Variants in DNAH2 observed in about 807,000 individuals in gnomAD.
The protein encoded by DNAH2 is dynein axonemal heavy chain 2, also known as axonemal beta dynein heavy chain 2.
Under a neutral mutation model 523.5 loss-of-function variants are expected in DNAH2, and 323 were observed. The ratio of observed to expected loss-of-function variants is 0.62; its 90% CI spans 0.56 to 0.68. The LOEUF is 0.68. Ranked by LOEUF, DNAH2 falls within the 30% of genes least tolerant of loss-of-function variation. The pLI, the probability that DNAH2 is intolerant of heterozygous loss-of-function variation, is 0.00. For synonymous variants in DNAH2, 2,093 were observed against 2,177.4 expected, an observed-to-expected ratio of 0.96 and a Z score of 1.08; for missense variants, 4,907 against 5,701.5, an observed-to-expected ratio of 0.86 and a Z score of 4.49.
Position 7,805,007 on chromosome 17 carries a change from A to T in DNAH2, c.9233A>T (p.Gln3078Leu). 6.2e-7 allele frequency: 1 copy of T among 1,614,204 alleles called. No individual in the cohort carries two copies. Among genetic ancestry groups the T allele is most frequent in the African/African-American group, 1.3e-5 (1 of 75,056 alleles). Residue 3078 changes from glutamine to leucine, a missense_variant, in exon 60 of 86, where the codon CAG (glutamine) becomes CTG (leucine). Coordinates refer to ENST00000572933, the MANE Select transcript of DNAH2 (RefSeq NM_020877.5). ...EKIAVEEIKC[Q>L]ALADNAQKDL... is the part of the protein sequence containing the mutation. ...ATTGCAGTTGAGGAAATCAAGTGTC[A>T]GGCACTGGCTGACAATGCCCAGAAA...
At chr17:7,774,414 T>G (rs1283362768) in intron 28 of DNAH2, among the ~76,000 whole-genome samples, 5 of 152,196 alleles carry the variant, frequency 3.3e-5, no homozygotes, top group African/African-American at 9.7e-5. Flanking sequence ...TTTCTGGAAT[T>G]TTCCATTCAG....
At position 7,793,030 on chromosome 17, in the gene DNAH2, G is replaced by A. The variant is rs777043389; in HGVS notation, c.7394G>A (p.Arg2465Gln). The A allele has an allele frequency of 3.7e-6, 6 of 1,614,060 alleles. No individual in the cohort carries two copies. Among genetic ancestry groups the A allele is most frequent in the South Asian group, 2.2e-5 (2 of 91,072 alleles). ...ATCATTGAGAGCAGGGTTGAGAAGC[G>A]AACCAAGGGTGTCTACGTGCCATTC... ...QSIIESRVEK[R>Q]TKGVYVPFGG... Residue 2465 changes from arginine to glutamine, a missense_variant, in exon 48 of 86, where the codon CGA (arginine) becomes CAA (glutamine). Coordinates refer to ENST00000572933, the MANE Select transcript of DNAH2 (RefSeq NM_020877.5).
intron 30 of DNAH2, among the ~76,000 whole-genome samples, 165 bp from the exon 31 acceptor site, chr17:7,775,859 C>T (rs2076437695): frequency 6.6e-6 from 1 of 152,196 alleles, no homozygotes; most frequent in African/African-American, 2.4e-5. Flanking sequence ...AGATCATCTG[C>T]CTCCTAGCCT....
rs762735589 is a variant in DNAH2, at chr17:7,799,169, G to A, written c.8626G>A (p.Ala2876Thr). The A allele has an allele frequency of 6.8e-6, 11 of 1,614,062 alleles. No individual in the cohort carries two copies. The highest frequency in any genetic ancestry group is 1.6e-4 in the Middle Eastern group (1 of 6,084). The change falls in exon 56 of 86, where the codon GCC (alanine) becomes ACC (threonine). Residue 2876 changes from alanine to threonine, a missense_variant. Coordinates refer to ENST00000572933, the MANE Select transcript of DNAH2 (RefSeq NM_020877.5). ...GCCTGAGTCATCGGACAGCCTCTTCGCCTACCTCATTGAACGCGTGCAGAA... is the reference window on the plus strand; with the variant it reads ...GCCTGAGTCATCGGACAGCCTCTTCACCTACCTCATTGAACGCGTGCAGAA... ...QVPESSDSLF[A>T]YLIERVQNNL...
intron 61 of DNAH2, among the ~76,000 whole-genome samples, chr17:7,806,348 C>T (rs2077366050): frequency 1.3e-5 from 2 of 152,044 alleles, no homozygotes. Context: ...TGTATATTAA[C>T]CAAAATTGTC....
intron 39 of DNAH2, among the ~76,000 whole-genome samples, chr17:7,784,909 C>T (rs1478688019): frequency 1.3e-5 from 2 of 152,150 alleles, no homozygotes; most frequent in Non-Finnish European, 2.9e-5. Flanking sequence ...CATAAATCCA[C>T]AGCCCTGGTG....
chr17:7,779,508 C>T (rs2076547049), intron 36 of DNAH2, 85 bp downstream of exon 36: 2 of 1,388,846 alleles, frequency 1.4e-6, no homozygotes, highest in Admixed American at 2.0e-5. Flanking sequence ...CCTCTTCCCC[C>T]TTCCATGCGA....
chr17:7,819,325 C>T lies in DNAH2; in HGVS notation c.10932C>T (p.Leu3644=), dbSNP rs75106566. ...ATGCCTACATCAGCCTCTTTATTCTCAGCATTGACAAAAGCCACCGCAGCA... is the reference window on the plus strand; with the variant it reads ...ATGCCTACATCAGCCTCTTTATTCTTAGCATTGACAAAAGCCACCGCAGCA... ...SLDAYISLFI[L]SIDKSHRSNK... is the part of the protein sequence containing the mutation. The change falls in exon 72 of 86, where the codon CTC becomes CTT. Residue 3644 remains leucine (L), a synonymous_variant. Coordinates refer to ENST00000572933, the MANE Select transcript of DNAH2 (RefSeq NM_020877.5). 24,729 of 1,614,224 alleles carry T rather than the reference C, an allele frequency of 0.015. 1,340 individuals carry two copies. Among genetic ancestry groups the T allele is most frequent in the South Asian group, 0.15 (13,274 of 91,088 alleles).
Position 7,778,283 on chromosome 17 carries a change from T to G in DNAH2, c.5355T>G (p.Cys1785Trp). Reference protein sequence around the residue: ...RLVITPLTDRCYMTLTTALHL... With the variant: ...RLVITPLTDRWYMTLTTALHL... The stretch of plus-strand genomic sequence containing the variant: ...TAGTTCTGTCCTCAATTCTCAGGTG[T>G]TACATGACACTGACCACGGCATTGC... Residue 1785 changes from cysteine (C) to tryptophan (W), a missense_variant, in exon 35 of 86, where the codon TGT becomes TGG. Around this residue, in one of 3 missense-constraint regions of DNAH2, gnomAD observed 2,806 missense variants for 3,190.8 expected, o/e 0.88. Transcript: ENST00000572933. The G allele has an allele frequency of 6.2e-7, 1 of 1,614,136 alleles. No individual in the cohort carries two copies. Among genetic ancestry groups the G allele is most frequent in the Non-Finnish European group, 8.5e-7 (1 of 1,180,000 alleles).
intron 24 of DNAH2, among the ~76,000 whole-genome samples, chr17:7,768,841 C>T (rs141671192): frequency 1.3e-5 from 2 of 152,318 alleles, no homozygotes; most frequent in African/African-American, 4.8e-5. Flanking sequence ...GCATAATGTC[C>T]TCCAGGTTCT....
chr17:7,766,272 G>A (rs766080186), intron 21 of DNAH2, 46 bp from the exon 22 acceptor site: 1 of 1,596,194 alleles, frequency 6.3e-7, no homozygotes, highest in Non-Finnish European at 8.6e-7. Context: ...GGCTGTCCTT[G>A]CCAGACGTGA....
chr17:7,764,840 A>ATTT (rs35687021), intron 20 of DNAH2, among the ~76,000 whole-genome samples: 2 of 26,268 alleles, frequency 7.6e-5, no homozygotes, highest in African/African-American at 3.1e-4. Flanking sequence ...CAGCTTTTGG[A>ATTT]TTTTTTTTTT....
chr17:7,785,566 T>C (rs2076712549), intron 39 of DNAH2, among the ~76,000 whole-genome samples: 1 of 152,204 alleles, frequency 6.6e-6, no homozygotes, highest in Admixed American at 6.5e-5. Flanking sequence ...CTTGTATCTA[T>C]TTGAAAATAT....
rs578059250 is a variant in DNAH2, at chr17:7,779,175, C to T, written c.5542-68C>T. The stretch of plus-strand genomic sequence containing the variant: ...TATTGAAACATTTGAAGGAAGGGTG[C>T]GTTAATCACGCTTTCTAGCCTCTTG... On this transcript the variant is annotated intron_variant, in intron 35 of 85. Coordinates refer to ENST00000572933, the MANE Select transcript of DNAH2 (RefSeq NM_020877.5). 107 of 1,568,764 alleles carry T rather than the reference C, an allele frequency of 6.8e-5. No homozygotes were observed. In the Middle Eastern group the frequency reaches 3.2e-3, roughly 46 times the overall value.
chr17:7,723,032 C>T (rs558888629), intron 2 of DNAH2, among the ~76,000 whole-genome samples: 2 of 143,288 alleles, frequency 1.4e-5, no homozygotes, highest in East Asian at 4.1e-4. Context: ...TGCAGTGGCG[C>T]AATCTCGGCT....
At chr17:7,749,953 C>T (rs751065708) in intron 12 of DNAH2, among the ~76,000 whole-genome samples, 19 of 152,210 alleles carry the variant, frequency 1.2e-4, no homozygotes, top group East Asian at 5.8e-4. Flanking sequence ...GCTGAGATCA[C>T]GCCATTGCAC....
chr17:7,731,961 G>A (rs1454425190), intron 4 of DNAH2, among the ~76,000 whole-genome samples: 3 of 150,886 alleles, frequency 2.0e-5, no homozygotes, highest in Admixed American at 1.3e-4. Flanking sequence ...CCCGGGAGGC[G>A]GAAGTTGTGG....
intron 3 of DNAH2, 130 bp from the exon 4 acceptor site, chr17:7,726,992 A>T: frequency 2.1e-6 from 2 of 949,884 alleles, no homozygotes; most frequent in Non-Finnish European, 2.9e-6. Context: ...GCTATCTTTC[A>T]GTTTCTCCTA....
chr17:7,778,238 G>A (rs1198370529), intron 34 of DNAH2, 42 bp from the exon 35 acceptor site: 1 of 1,614,024 alleles, frequency 6.2e-7, no homozygotes, highest in Non-Finnish European at 8.5e-7. Context: ...AGCTGAGAGA[G>A]GCTTCCAGGA....
Sources: gnomAD v4.1 joint callset for allele counts (sites outside exome capture counted in the v4.1 genomes callset) on GRCh38, gnomAD v4.1.1 for gene constraint, gnomAD v4.1.1 regional missense constraint, MANE v1.5 for transcripts, NCBI Gene and HGNC (gene_info 2026-07-23, HGNC 2026-07-21) for gene names.